Variants in ADGRB3 observed in about 807,000 individuals in gnomAD.
The protein encoded by ADGRB3 is brain-specific angiogenesis inhibitor 3.
In ADGRB3, 37 loss-of-function variants were observed where a neutral mutation model predicts 193.4. That is an observed-to-expected ratio of 0.19 (90% confidence interval 0.15 to 0.25). ADGRB3 has a LOEUF of 0.25. Among genes scored for constraint, ADGRB3 ranks in the 10% least tolerant of loss-of-function variants. The probability of loss-of-function intolerance (pLI) is 1.00; values close to 1 mark genes in which losing one functional copy is unlikely to be tolerated. For synonymous variants in ADGRB3, 690 were observed against 644.2 expected (o/e 1.07, Z -1.08); for missense variants, 1,637 against 1,852.9 (o/e 0.88, Z 2.14).
chr6:68,801,162 C>T (rs1032929128), intron 3 of ADGRB3, among the ~76,000 whole-genome samples: 3 of 152,148 alleles, frequency 2.0e-5, no homozygotes, highest in Non-Finnish European at 4.4e-5. Context: ...AGTCCTCCTC[C>T]TCTGTCCTGT....
chr6:69,389,009 C>G lies in ADGRB3; in HGVS notation c.*118C>G. ...TATCTTATGTCAGGACCTTCATGTG[C>G]CAAACGTCAGTGGTGTTTTCATATG... On this transcript the variant is annotated 3_prime_UTR_variant, in exon 32 of 32. Coordinates refer to ENST00000370598, the MANE Select transcript of ADGRB3 (RefSeq NM_001704.3). The G allele has an allele frequency of 9.7e-7, 1 of 1,028,668 alleles. No individual in the cohort carries two copies. Among genetic ancestry groups the G allele is most frequent in the Non-Finnish European group, 1.4e-6 (1 of 723,760 alleles). 63.7% of individuals were successfully genotyped at this position (1,028,668 alleles called of 1,614,324 possible).
intron 3 of ADGRB3, among the ~76,000 whole-genome samples, chr6:68,877,152 C>A (rs1562067375): frequency 6.6e-6 from 1 of 151,772 alleles, no homozygotes; most frequent in African/African-American, 2.4e-5. Context: ...CTTTATAGTT[C>A]CCTTCAGAAA....
intron 8 of ADGRB3, among the ~76,000 whole-genome samples, chr6:68,971,587 A>G (rs1768569928): frequency 6.6e-6 from 1 of 151,880 alleles, no homozygotes; most frequent in African/African-American, 2.4e-5. Flanking sequence ...ATTTTATATC[A>G]GGGAGTTGAG....
At chr6:68,889,505 TTA>T (rs1228763296) in intron 3 of ADGRB3, among the ~76,000 whole-genome samples, 3 of 73,900 alleles carry the variant, frequency 4.1e-5, no homozygotes, top group Non-Finnish European at 8.4e-5. Flanking sequence ...CTTTTCTCTT[TTA>T]TTTTTTTTTT....
chr6:68,888,268 G>T (rs1332115370), intron 3 of ADGRB3, among the ~76,000 whole-genome samples: 1 of 152,002 alleles, frequency 6.6e-6, no homozygotes, highest in African/African-American at 2.4e-5. Context: ...TGACAACAGT[G>T]ACTTATTAAT....
chr6:69,151,571 C>T (rs1019559386), intron 17 of ADGRB3, among the ~76,000 whole-genome samples: 1 of 152,140 alleles, frequency 6.6e-6, no homozygotes, highest in Admixed American at 6.5e-5. Context: ...GATCACTCAT[C>T]TGATTTTTGG....
At chr6:68,643,247 A>G (rs1768123147) in intron 3 of ADGRB3, among the ~76,000 whole-genome samples, 1 of 152,150 alleles carries the variant, frequency 6.6e-6, no homozygotes, top group African/African-American at 2.4e-5. Flanking sequence ...AAGTCTCACC[A>G]TAGGCCTGTG....
At chr6:68,756,698 G>A (rs1766304735) in intron 3 of ADGRB3, among the ~76,000 whole-genome samples, 1 of 152,078 alleles carries the variant, frequency 6.6e-6, no homozygotes, top group African/African-American at 2.4e-5. Context: ...CTCCAATGTT[G>A]GAGGAAGTTG....
At chr6:68,724,833 A>G (rs1765645812) in intron 3 of ADGRB3, among the ~76,000 whole-genome samples, 1 of 151,692 alleles carries the variant, frequency 6.6e-6, no homozygotes, top group South Asian at 2.1e-4. Context: ...CACTGGGAAT[A>G]TAAATGAGAG....
intron 3 of ADGRB3, among the ~76,000 whole-genome samples, chr6:68,678,413 T>C: frequency 6.6e-6 from 1 of 152,208 alleles, no homozygotes; most frequent in East Asian, 1.9e-4. Flanking sequence ...CATAGCCTTC[T>C]CCATTTATCA....
chr6:69,203,170 A>G (rs1354285584), intron 17 of ADGRB3, among the ~76,000 whole-genome samples: 4 of 152,204 alleles, frequency 2.6e-5, no homozygotes, highest in Non-Finnish European at 1.5e-5. Flanking sequence ...AAATTAGCAC[A>G]GCATAATGCA....
At chr6:69,041,061 C>G (rs1050567155) in intron 13 of ADGRB3, among the ~76,000 whole-genome samples, 1 of 152,160 alleles carries the variant, frequency 6.6e-6, no homozygotes, top group Non-Finnish European at 1.5e-5. Flanking sequence ...TTAGAACTCT[C>G]TCGGGCACTG....
chr6:69,031,520 T>C (rs1038132096), intron 13 of ADGRB3, among the ~76,000 whole-genome samples: 1 of 39,484 alleles, frequency 2.5e-5, no homozygotes, highest in African/African-American at 6.2e-5. Context: ...TTGAGTTGTC[T>C]CTTTCTTTCT....
chr6:68,836,704 G>C (rs1040674405), intron 3 of ADGRB3, among the ~76,000 whole-genome samples: 1 of 152,058 alleles, frequency 6.6e-6, no homozygotes. Context: ...GAAGTGAAAC[G>C]TTGGCTGGGT....
chr6:69,056,640 T>C (rs554630066), intron 15 of ADGRB3, among the ~76,000 whole-genome samples: 2 of 152,288 alleles, frequency 1.3e-5, no homozygotes, highest in African/African-American at 4.8e-5. Context: ...TTATGTTGTT[T>C]TTTATATGGT....
At chr6:68,782,888 G>A (rs1356661222) in intron 3 of ADGRB3, among the ~76,000 whole-genome samples, 1 of 151,882 alleles carries the variant, frequency 6.6e-6, no homozygotes, top group Non-Finnish European at 1.5e-5. Context: ...TTTGTCAGAT[G>A]AGTAAGTATA....
chr6:68,811,717 G>T (rs1368696913), intron 3 of ADGRB3, among the ~76,000 whole-genome samples: 1 of 152,064 alleles, frequency 6.6e-6, no homozygotes, highest in Admixed American at 6.5e-5. Context: ...TGATCCACCC[G>T]CTTTGGGCTC....
chr6:68,721,627 A>AATAAATATATAT (rs376077469), intron 3 of ADGRB3, among the ~76,000 whole-genome samples: 2 of 140,248 alleles, frequency 1.4e-5, no homozygotes, highest in African/African-American at 5.2e-5. Flanking sequence ...AAGTATAATA[A>AATAAATATATAT]ATATATATAT....
chr6:68,973,927 TA>T (rs978835862), intron 8 of ADGRB3, among the ~76,000 whole-genome samples: 1 of 152,344 alleles, frequency 6.6e-6, no homozygotes, highest in Non-Finnish European at 1.5e-5. Flanking sequence ...AAACATCTGT[TA>T]TTTTTGAAGT....
Sources: gnomAD v4.1 joint callset for allele counts (sites outside exome capture counted in the v4.1 genomes callset) on GRCh38, gnomAD v4.1.1 for gene constraint, MANE v1.5 for transcripts, NCBI Gene and HGNC (gene_info 2026-07-23, HGNC 2026-07-21) for gene names.